CLCA2: variants seen among roughly 807,000 people sequenced by gnomAD.
CLCA2 encodes the protein calcium-activated chloride channel regulator 2.
Under a neutral mutation model 82.9 loss-of-function variants are expected in CLCA2, and 85 were observed. The ratio of observed to expected loss-of-function variants is 1.03; its 90% CI spans 0.86 to 1.23. CLCA2 has a LOEUF of 1.23. CLCA2 is among the 50% of genes most tolerant of loss of function. The pLI is 0.00. For synonymous variants in CLCA2, 421 were observed against 391.7 expected, an observed-to-expected ratio of 1.07 and a Z score of -0.88; for missense variants, 1,089 against 1,124.8, an observed-to-expected ratio of 0.97 and a Z score of 0.45.
At chr1:86,443,719 TA>T in intron 9 of CLCA2, 67 bp from the exon 10 acceptor site, 2 of 1,206,502 alleles carry the variant, frequency 1.7e-6, no homozygotes, top group East Asian at 2.5e-5. Flanking sequence ...TGTTGTTTGT[TA>T]AAAAAGAAAA....
chr1:86,431,958 G>A (rs781455553), intron 4 of CLCA2, among the ~76,000 whole-genome samples: 7 of 151,942 alleles, frequency 4.6e-5, no homozygotes, highest in Non-Finnish European at 8.8e-5. Flanking sequence ...TTTTTGAGAC[G>A]GAGTTTCGCT....
chr1:86,447,462 T>A, intron 10 of CLCA2, 46 bp from the exon 11 acceptor site: 1 of 1,574,958 alleles, frequency 6.3e-7, no homozygotes, highest in Middle Eastern at 1.7e-4. Context: ...AAATTAGGGT[T>A]GATTTTTTTT....
At chr1:86,429,300 C>T (rs1046908332) in intron 3 of CLCA2, among the ~76,000 whole-genome samples, 1 of 152,066 alleles carries the variant, frequency 6.6e-6, no homozygotes, top group African/African-American at 2.4e-5. Context: ...CAAATGTTAT[C>T]GTACTTAATT....
In CLCA2 at chr1:86,456,089, C is replaced by T. The variant is rs894361570; in HGVS notation, c.*562C>T. 3 of 152,058 alleles carry T rather than the reference C, an allele frequency of 2.0e-5. No individual in the cohort carries two copies. The highest frequency in any genetic ancestry group is 4.4e-5 in the Non-Finnish European group (3 of 67,998). 9.4% of individuals were successfully genotyped at this position (152,058 alleles called of 1,614,324 possible). On this transcript the variant is annotated 3_prime_UTR_variant, in exon 14 of 14. Coordinates refer to ENST00000370565, the MANE Select transcript of CLCA2 (RefSeq NM_006536.7). Reference sequence around the variant, plus strand: ...GATCTTTTTTCACTGTAAGAGGTAACCTTTAACAATATGGGTATTACCTTT... The same window carrying T: ...GATCTTTTTTCACTGTAAGAGGTAATCTTTAACAATATGGGTATTACCTTT...
chr1:86,446,935 T>C (rs1662865735), intron 10 of CLCA2, among the ~76,000 whole-genome samples: 1 of 152,242 alleles, frequency 6.6e-6, no homozygotes, highest in South Asian at 2.1e-4. Context: ...TGTATAATCC[T>C]GACCTATTAA....
At chr1:86,450,935 A>G (rs947336075) in intron 12 of CLCA2, among the ~76,000 whole-genome samples, 3 of 152,176 alleles carry the variant, frequency 2.0e-5, no homozygotes, top group Admixed American at 6.5e-5. Flanking sequence ...GCGATAGGTA[A>G]TGCCCACAGA....
chr1:86,449,697 C>CTG (rs1168504259), intron 11 of CLCA2, among the ~76,000 whole-genome samples: 1 of 152,058 alleles, frequency 6.6e-6, no homozygotes, highest in Non-Finnish European at 1.5e-5. Flanking sequence ...GTATGCAGGG[C>CTG]TGTGTGTGTG....
chr1:86,425,521 A>G, intron 2 of CLCA2, 45 bp downstream of exon 2: 4 of 1,440,316 alleles, frequency 2.8e-6, no homozygotes, highest in Non-Finnish European at 3.7e-6. Flanking sequence ...GGGAAAAAAA[A>G]CACCAAAATA....
At chr1:86,454,869 T>A (rs1570270090) in intron 13 of CLCA2, among the ~76,000 whole-genome samples, 1 of 145,768 alleles carries the variant, frequency 6.9e-6, no homozygotes, top group Admixed American at 7.0e-5. Context: ...TAACATATTT[T>A]GTGTTGAATC....
rs541831385 is a variant in CLCA2 at position 86,443,667 on chromosome 1, G to A, written c.1489-120G>A. ...TTATGAAAAATGATGTATAACTACA[G>A]TACCTGTCAGAATTAAATTATTTTT... is the stretch of plus-strand genomic sequence containing the variant. On this transcript the variant is annotated intron_variant, in intron 9 of 13. Transcript: ENST00000370565. The A allele has an allele frequency of 4.9e-5, 36 of 741,124 alleles. No homozygotes were observed. In the African/African-American group the frequency reaches 5.0e-4, roughly 10 times the overall value. 45.9% of individuals were successfully genotyped at this position (741,124 alleles called of 1,614,324 possible).
chr1:86,428,774 A>C (rs1390221408), intron 3 of CLCA2, among the ~76,000 whole-genome samples: 1 of 152,188 alleles, frequency 6.6e-6, no homozygotes, highest in African/African-American at 2.4e-5. Flanking sequence ...CCCAGAGAGG[A>C]GTGCTATAAG....
intron 11 of CLCA2, chr1:86,448,508 C>G (rs1270588175): frequency 6.6e-6 from 1 of 152,252 alleles, no homozygotes; most frequent in Non-Finnish European, 1.5e-5. Flanking sequence ...AAACAAATTC[C>G]TTTGTTGTTC....
Position 86,439,121 on chromosome 1 carries a change from C to A in CLCA2, c.1203+15C>A. Reference sequence around the variant, plus strand: ...AAGGATTTGAGGTACAGTAGAGCATCCTAAGCCTTGGATCACCATCATTTT... The same window carrying A: ...AAGGATTTGAGGTACAGTAGAGCATACTAAGCCTTGGATCACCATCATTTT... On this transcript the variant is annotated intron_variant, in intron 7 of 13. Transcript: ENST00000370565. The A allele has an allele frequency of 6.2e-7, 1 of 1,607,290 alleles. No homozygotes were observed.
chr1:86,451,927 ATTAG>A (rs1196988221), intron 12 of CLCA2, among the ~76,000 whole-genome samples: 2 of 152,182 alleles, frequency 1.3e-5, no homozygotes, highest in African/African-American at 4.8e-5. Flanking sequence ...AATAATTATT[ATTAG>A]TTAATCTCAT....
chr1:86,433,983 A>G (rs1662549839), intron 5 of CLCA2, among the ~76,000 whole-genome samples: 1 of 128,680 alleles, frequency 7.8e-6, no homozygotes, highest in Non-Finnish European at 1.7e-5. Context: ...AATTATATCT[A>G]TATTTCCAAA....
At chr1:86,441,683 G>T (rs1261330944) in intron 9 of CLCA2, 140 bp downstream of exon 9, 6 of 557,724 alleles carry the variant, frequency 1.1e-5, no homozygotes, top group Non-Finnish European at 1.9e-5. Context: ...CTTTTAAAAG[G>T]CTGCTTGGCA....
Position 86,425,484 on chromosome 1 carries a change from T to A in CLCA2, c.324+8T>A. On this transcript the variant is annotated splice_region_variant and intron_variant, in intron 2 of 13. Coordinates refer to ENST00000370565, the MANE Select transcript of CLCA2 (RefSeq NM_006536.7). The stretch of plus-strand genomic sequence containing the variant: ...CAAGAATCATATGAAAAGGTAAGAA[T>A]CCAGGATTTCATTCAATGATCTCAA... 1 of 1,516,440 alleles carries A rather than the reference T, an allele frequency of 6.6e-7. No individual in the cohort carries two copies. Among genetic ancestry groups the A allele is most frequent in the Non-Finnish European group, 8.9e-7 (1 of 1,127,474 alleles). 93.9% of individuals were successfully genotyped at this position (1,516,440 alleles called of 1,614,324 possible).
chr1:86,434,185 T>C (rs1662554136), intron 5 of CLCA2, among the ~76,000 whole-genome samples: 1 of 152,126 alleles, frequency 6.6e-6, no homozygotes, highest in African/African-American at 2.4e-5. Context: ...CCTAATACAA[T>C]ATTGTGCTAA....
In CLCA2 at chr1:86,455,403, T is replaced by C; in HGVS notation, c.2708T>C (p.Leu903Ser). The C allele has an allele frequency of 6.2e-7, 1 of 1,608,056 alleles. No homozygotes were observed. Among genetic ancestry groups the C allele is most frequent in the South Asian group, 1.1e-5 (1 of 89,626 alleles). Reference protein sequence around the residue: ...DPVPARDYLILKGVLTAMGLI... With the variant: ...DPVPARDYLISKGVLTAMGLI... ...GTACCTGCCAGAGATTATCTTATAT[T>C]GAAAGGAGTTTTAACAGCAATGGGT... The change falls in exon 14 of 14, where the codon TTG (leucine) becomes TCG (serine). Residue 903 changes from leucine (L) to serine (S), a missense_variant. By Grantham distance (145) the Leu-to-Ser change is moderately radical. Transcript: ENST00000370565.
Sources: gnomAD v4.1 joint callset for allele counts (sites outside exome capture counted in the v4.1 genomes callset) on GRCh38, gnomAD v4.1.1 for gene constraint, MANE v1.5 for transcripts, NCBI Gene and HGNC (gene_info 2026-07-23, HGNC 2026-07-21) for gene names.